Variants in GPM6A observed in about 807,000 individuals in gnomAD.
The protein encoded by GPM6A is glycoprotein M6A.
Under a neutral mutation model 32.1 loss-of-function variants are expected in GPM6A, and 7 were observed. The observed-to-expected ratio is 0.22, with a 90% confidence interval of 0.12 to 0.41. The LOEUF (loss-of-function observed/expected upper bound fraction) is 0.41. Among genes scored for constraint, GPM6A ranks in the 10% least tolerant of loss-of-function variants. GPM6A has a pLI of 1.00. For missense variants in GPM6A, 235 were observed against 347.2 expected, an observed-to-expected ratio of 0.68 and a Z score of 2.57; for synonymous variants, 130 against 123.4, an observed-to-expected ratio of 1.05 and a Z score of -0.35.
At chr4:175,714,327 A>G (rs531453108) in intron 1 of GPM6A, among the ~76,000 whole-genome samples, 1 of 152,166 alleles carries the variant, frequency 6.6e-6, no homozygotes, top group Non-Finnish European at 1.5e-5. Context: ...ATCAACAAGA[A>G]TTTTTTTAAC....
At chr4:175,687,763 A>G (rs916953136) in intron 2 of GPM6A, among the ~76,000 whole-genome samples, 1 of 152,180 alleles carries the variant, frequency 6.6e-6, no homozygotes. Context: ...TGTTTTCCAT[A>G]GTGGCTGCCC....
At chr4:175,976,746 C>T (rs1740676391) in intron 1 of GPM6A, among the ~76,000 whole-genome samples, 1 of 152,162 alleles carries the variant, frequency 6.6e-6, no homozygotes, top group African/African-American at 2.4e-5. Context: ...TCCCGTGGAG[C>T]TCTCTGCTTC....
At chr4:175,721,820 T>A (rs1464710788) in intron 1 of GPM6A, among the ~76,000 whole-genome samples, 1 of 152,176 alleles carries the variant, frequency 6.6e-6, no homozygotes, top group African/African-American at 2.4e-5. Context: ...TTACCCAACA[T>A]CTGATAATAT....
chr4:175,702,050 A>C (rs779174901), intron 1 of GPM6A, among the ~76,000 whole-genome samples: 6 of 152,170 alleles, frequency 3.9e-5, no homozygotes, highest in Admixed American at 1.3e-4. Context: ...ATAATAATTA[A>C]TCTTCACCAT....
At chr4:175,982,435 G>A (rs931247378) in intron 1 of GPM6A, among the ~76,000 whole-genome samples, 4 of 151,994 alleles carry the variant, frequency 2.6e-5, no homozygotes, top group Non-Finnish European at 5.9e-5. Flanking sequence ...TACAAGTTAG[G>A]TCAAAGTTCA....
chr4:175,835,090 G>C (rs951881507), intron 1 of GPM6A, among the ~76,000 whole-genome samples: 2 of 152,012 alleles, frequency 1.3e-5, no homozygotes, highest in Non-Finnish European at 2.9e-5. Flanking sequence ...GATTATCTTG[G>C]GCGCTTGTTA....
At position 175,972,381 on chromosome 4, in the gene GPM6A, A is replaced by T. The variant is rs577288622; in HGVS notation, c.-23+29928T>A. Among the ~76,000 whole-genome samples, 8 of 152,342 alleles carry T rather than the reference A, an allele frequency of 5.3e-5. No individual in the cohort carries two copies. The South Asian group carries it at 1.7e-3, about 32-fold the overall frequency. ...AAATTCATGCCAGTAATTATTTCTA[A>T]AGAGACTTATAGATAAAAACAACAA... On this transcript the variant is annotated intron_variant, in intron 1 of 7. Transcript: ENST00000280187.
chr4:175,970,920 T>G (rs939000755), intron 1 of GPM6A: 5 of 456,072 alleles, frequency 1.1e-5, no homozygotes, highest in Non-Finnish European at 2.2e-5. Context: ...TTTTCCCAAC[T>G]GAAGAACACA....
chr4:175,996,516 A>T (rs1741313192), intron 1 of GPM6A, among the ~76,000 whole-genome samples: 1 of 152,204 alleles, frequency 6.6e-6, no homozygotes. Context: ...ACTCTAAATA[A>T]AATGAACAGT....
intron 1 of GPM6A, among the ~76,000 whole-genome samples, chr4:175,899,754 C>T (rs891096364): frequency 1.7e-4 from 26 of 149,646 alleles, no homozygotes; most frequent in Admixed American, 1.5e-3. Flanking sequence ...CTAAAACCTC[C>T]GACAATGAAT....
chr4:175,721,702 G>A (rs1005552229), intron 1 of GPM6A, among the ~76,000 whole-genome samples: 7 of 152,066 alleles, frequency 4.6e-5, no homozygotes, highest in African/African-American at 7.2e-5. Context: ...CTGTATTCTC[G>A]ATGAAAAACT....
chr4:175,878,135 C>T (rs1482335606), intron 1 of GPM6A, among the ~76,000 whole-genome samples: 2 of 152,200 alleles, frequency 1.3e-5, no homozygotes, highest in African/African-American at 2.4e-5. Flanking sequence ...GCCCCTGTAG[C>T]TTTGCAGGGT....
intron 1 of GPM6A, among the ~76,000 whole-genome samples, chr4:175,934,421 T>C (rs901134512): frequency 6.6e-6 from 1 of 152,172 alleles, no homozygotes; most frequent in South Asian, 2.1e-4. Context: ...AACGAAATCA[T>C]TTACTTAAGT....
At chr4:175,931,564 C>T (rs566104220) in intron 1 of GPM6A, among the ~76,000 whole-genome samples, 92 of 152,036 alleles carry the variant, frequency 6.1e-4, no homozygotes, top group African/African-American at 2.1e-3. Flanking sequence ...ATCTCAAATG[C>T]TATGTCCAGG....
chr4:175,870,138 A>G (rs1250019553), intron 1 of GPM6A, among the ~76,000 whole-genome samples: 2 of 152,354 alleles, frequency 1.3e-5, no homozygotes, highest in East Asian at 1.9e-4. Flanking sequence ...CAAATAATAT[A>G]CAACACTTTG....
At chr4:175,783,117 CT>C (rs1198542443) in intron 1 of GPM6A, among the ~76,000 whole-genome samples, 1 of 151,844 alleles carries the variant, frequency 6.6e-6, no homozygotes, top group Non-Finnish European at 1.5e-5. Context: ...TTTGAATTAA[CT>C]TTTTTAAAAA....
At chr4:175,727,581 T>C (rs1233724661) in intron 1 of GPM6A, among the ~76,000 whole-genome samples, 1 of 152,224 alleles carries the variant, frequency 6.6e-6, no homozygotes, top group African/African-American at 2.4e-5. Flanking sequence ...TATACTAATG[T>C]GGTCTGATTT....
At chr4:175,899,910 C>G (rs1424230956) in intron 1 of GPM6A, among the ~76,000 whole-genome samples, 1 of 151,990 alleles carries the variant, frequency 6.6e-6, no homozygotes, top group Non-Finnish European at 1.5e-5. Context: ...AGCAAAGGAT[C>G]TAATCAACAA....
At chr4:175,717,588 A>G (rs1341974636) in intron 1 of GPM6A, among the ~76,000 whole-genome samples, 1 of 152,206 alleles carries the variant, frequency 6.6e-6, no homozygotes, top group Non-Finnish European at 1.5e-5. Context: ...GACATGAGTA[A>G]TAAAAGATAA....
Sources: allele counts gnomAD v4.1 joint callset (sites outside exome capture counted in the v4.1 genomes callset), GRCh38; gene constraint gnomAD v4.1.1; transcripts MANE v1.5; gene names NCBI Gene and HGNC (gene_info 2026-07-23, HGNC 2026-07-21).